The following CDKAL1 variants were observed in gnomAD, a reference collection of about 807,000 sequenced individuals.
The protein encoded by CDKAL1 is threonylcarbamoyladenosine tRNA methylthiotransferase.
Under a neutral mutation model 68.2 loss-of-function variants are expected in CDKAL1, and 32 were observed. That is an observed-to-expected ratio of 0.47 (90% CI 0.35 to 0.63). The LOEUF is 0.63. CDKAL1 is among the 30% of genes least tolerant of loss of function. CDKAL1 has a pLI of 0.00. For synonymous variants in CDKAL1, 234 were observed against 244.3 expected (o/e 0.96, Z 0.39); for missense variants, 606 against 696.7 (o/e 0.87, Z 1.47).
At chr6:21,143,738 C>T (rs1404819224) in intron 13 of CDKAL1, among the ~76,000 whole-genome samples, 1 of 152,114 alleles carries the variant, frequency 6.6e-6, no homozygotes, top group Non-Finnish European at 1.5e-5. Flanking sequence ...TGTTTTCTTT[C>T]CACATTAAGT....
intron 8 of CDKAL1, among the ~76,000 whole-genome samples, 154 bp from the exon 9 acceptor site, chr6:20,845,921 T>C (rs1214566518): frequency 6.6e-6 from 1 of 152,208 alleles, no homozygotes; most frequent in African/African-American, 2.4e-5. Context: ...AAAATAACTC[T>C]GAGGCATGGT....
At chr6:20,541,691 G>A (rs186831699) in intron 2 of CDKAL1, among the ~76,000 whole-genome samples, 178 of 151,562 alleles carry the variant, frequency 1.2e-3, no homozygotes, top group African/African-American at 3.8e-3. Flanking sequence ...ACAGAGTTTC[G>A]CTCTTGTTGC....
At chr6:20,746,230 T>C (rs1404757163) in intron 6 of CDKAL1, among the ~76,000 whole-genome samples, 1 of 152,198 alleles carries the variant, frequency 6.6e-6, no homozygotes, top group Non-Finnish European at 1.5e-5. Context: ...TATTAGTCAC[T>C]CACTGGTACT....
rs1207851547 is a variant in CDKAL1, at chr6:21,011,309, G to A, written c.1055+10937G>A. Among the ~76,000 whole-genome samples, 10 of 151,832 alleles carry A rather than the reference G, an allele frequency of 6.6e-5. No homozygotes were observed. The East Asian group carries it at 9.6e-4, about 15-fold the overall frequency. ...TGATGCAGGAGAATGGTGTGAACCCGGGAGGCAGAGCTGGCAGTGAGCTGA... is the reference window on the plus strand; with the variant it reads ...TGATGCAGGAGAATGGTGTGAACCCAGGAGGCAGAGCTGGCAGTGAGCTGA... On this transcript the variant is annotated intron_variant, in intron 11 of 15. Transcript: ENST00000274695.
intron 4 of CDKAL1, among the ~76,000 whole-genome samples, chr6:20,568,561 G>A (rs2127675115): frequency 6.6e-6 from 1 of 151,644 alleles, no homozygotes; most frequent in East Asian, 2.0e-4. Flanking sequence ...GTAAAACCCC[G>A]TCTCTACTAA....
chr6:20,822,543 G>A (rs1478501407), intron 8 of CDKAL1, among the ~76,000 whole-genome samples: 2 of 152,088 alleles, frequency 1.3e-5, no homozygotes, highest in African/African-American at 2.4e-5. Context: ...TTGGCTCAGC[G>A]ATAGGGTTAG....
intron 4 of CDKAL1, among the ~76,000 whole-genome samples, chr6:20,585,057 CT>C (rs11385529): frequency 1.3e-3 from 170 of 131,642 alleles, no homozygotes; most frequent in Middle Eastern, 4.2e-3. Context: ...AATCTTGTTT[CT>C]TTTTTTTTTT....
intron 10 of CDKAL1, among the ~76,000 whole-genome samples, chr6:20,997,980 A>G (rs1408303296): frequency 6.6e-6 from 1 of 152,226 alleles, no homozygotes; most frequent in Non-Finnish European, 1.5e-5. Context: ...ACAATAGCCC[A>G]GTAGCCCTAT....
chr6:20,813,975 ATTG>A (rs1435751610), intron 8 of CDKAL1, among the ~76,000 whole-genome samples: 10 of 152,010 alleles, frequency 6.6e-5, no homozygotes, highest in Middle Eastern at 3.4e-3. Context: ...CTCTTTTATT[ATTG>A]TCATTTGGAT....
intron 4 of CDKAL1, among the ~76,000 whole-genome samples, chr6:20,570,645 A>G (rs1010111913): frequency 2.0e-5 from 3 of 151,068 alleles, no homozygotes; most frequent in African/African-American, 7.3e-5. Context: ...AGGTGATTCA[A>G]CTGCCTTGGC....
At chr6:20,763,241 C>T (rs1427256536) in intron 7 of CDKAL1, among the ~76,000 whole-genome samples, 3 of 152,126 alleles carry the variant, frequency 2.0e-5, no homozygotes, top group African/African-American at 7.2e-5. Context: ...GGGTTGGTTG[C>T]TTTCCTTACC....
chr6:20,887,868 T>G (rs1389674853), intron 9 of CDKAL1, among the ~76,000 whole-genome samples: 1 of 150,922 alleles, frequency 6.6e-6, no homozygotes, highest in African/African-American at 2.4e-5. Context: ...ACTGCAGCCT[T>G]GAACTCCTGA....
At chr6:21,160,497 C>T (rs1179701341) in intron 13 of CDKAL1, among the ~76,000 whole-genome samples, 9 of 150,938 alleles carry the variant, frequency 6.0e-5, no homozygotes, top group African/African-American at 2.2e-4. Flanking sequence ...GGGGTTTCAC[C>T]GTGTTGGTCA....
intron 9 of CDKAL1, among the ~76,000 whole-genome samples, chr6:20,948,137 C>T (rs1453996622): frequency 6.6e-6 from 1 of 151,626 alleles, no homozygotes; most frequent in Non-Finnish European, 1.5e-5. Flanking sequence ...CTGCCTGAGC[C>T]TCCCAAATAG....
intron 12 of CDKAL1, among the ~76,000 whole-genome samples, chr6:21,086,622 C>T (rs1772708438): frequency 6.6e-6 from 1 of 152,142 alleles, no homozygotes; most frequent in African/African-American, 2.4e-5. Context: ...AGTCTTCTCT[C>T]TGCTTGCTCC....
In CDKAL1 at chr6:20,638,492, G is replaced by A. The variant is rs9465849; in HGVS notation, c.287-10801G>A. On this transcript the variant is annotated intron_variant, in intron 4 of 15. Transcript: ENST00000274695. ...TGTAAGATGGGCCTGGTGAGCAGTA[G>A]TTTTGGATTGGGGCATGGTGGCTGG... Among the ~76,000 whole-genome samples the A allele has an allele frequency of 6.6e-3, 1,004 of 152,264 alleles. 10 individuals carry two copies. Among genetic ancestry groups the A allele is most frequent in the African/African-American group, 0.022 (934 of 41,540 alleles).
At chr6:21,222,008 C>T (rs976879053) in intron 15 of CDKAL1, among the ~76,000 whole-genome samples, 1 of 152,198 alleles carries the variant, frequency 6.6e-6, no homozygotes, top group African/African-American at 2.4e-5. Context: ...CACACAGGGG[C>T]ACATCAGATC....
chr6:21,060,090 A>G (rs952803970), intron 11 of CDKAL1, among the ~76,000 whole-genome samples: 1 of 151,842 alleles, frequency 6.6e-6, no homozygotes, highest in Non-Finnish European at 1.5e-5. Flanking sequence ...TCTATCTTTG[A>G]AATAGTTTCC....
rs116447511 is a variant in CDKAL1 at position 21,184,953 on chromosome 6, A to T, written c.1300-13068A>T. Among the ~76,000 whole-genome samples the T allele has an allele frequency of 5.7e-3, 854 of 150,808 alleles. 7 individuals carry two copies. The highest frequency in any genetic ancestry group is 0.019 in the African/African-American group (769 of 41,020). ...AAGTGCTAGGATTACAGGGTGAGCC[A>T]CAGTACCCAGCCTAAGATTTGAATA... is the stretch of plus-strand genomic sequence containing the variant. On this transcript the variant is annotated intron_variant, in intron 13 of 15. Coordinates refer to ENST00000274695, the MANE Select transcript of CDKAL1 (RefSeq NM_017774.3).
Sources: allele counts gnomAD v4.1 joint callset (sites outside exome capture counted in the v4.1 genomes callset), GRCh38; gene constraint gnomAD v4.1.1; transcripts MANE v1.5; gene names NCBI Gene and HGNC (gene_info 2026-07-23, HGNC 2026-07-21).